Variants in ARPP21 observed in about 807,000 individuals in gnomAD.
ARPP21 encodes cAMP regulated phosphoprotein 21.
ARPP21 carries 69 observed loss-of-function variants against 113.2 expected under a neutral mutation model. The observed-to-expected ratio is 0.61, with a 90% confidence interval of 0.50 to 0.74. ARPP21 has a LOEUF of 0.74. ARPP21 is among the 30% of genes least tolerant of loss of function. The pLI is 0.00. For synonymous variants in ARPP21, 368 were observed against 375.5 expected, an observed-to-expected ratio of 0.98 and a Z score of 0.23; for missense variants, 1,070 against 1,037.4, an observed-to-expected ratio of 1.03 and a Z score of -0.43.
chr3:35,644,747 T>C (rs974529487), intron 1 of ARPP21, among the ~76,000 whole-genome samples: 2 of 151,982 alleles, frequency 1.3e-5, no homozygotes, highest in African/African-American at 4.8e-5. Flanking sequence ...CTTAGCATCA[T>C]ATTATGCTCC....
At chr3:35,669,655 A>C (rs189026066) in intron 1 of ARPP21, among the ~76,000 whole-genome samples, 14 of 152,288 alleles carry the variant, frequency 9.2e-5, no homozygotes, top group Admixed American at 5.9e-4. Context: ...AAGGTTACAC[A>C]TTACAGACAC....
At chr3:35,648,776 A>G (rs888394657) in intron 1 of ARPP21, among the ~76,000 whole-genome samples, 25 of 152,202 alleles carry the variant, frequency 1.6e-4, no homozygotes, top group African/African-American at 5.8e-4. Flanking sequence ...TAAATCCATC[A>G]GATAATTGCA....
chr3:35,699,027 G>A (rs1436123093), intron 9 of ARPP21, among the ~76,000 whole-genome samples: 1 of 151,574 alleles, frequency 6.6e-6, no homozygotes, highest in East Asian at 1.9e-4. Context: ...ATAGCCTATA[G>A]CACATGTTAA....
Position 35,738,246 on chromosome 3 carries a change from A to G in ARPP21, c.1677A>G (p.Ser559=). ...AGGGGCTGCAGGCTTCCTCCCAGTC[A>G]GTGCAATATCCAGCAGTCTCTTTTC... The part of the protein sequence containing the change: ...SVQGLQASSQ[S]VQYPAVSFPP... Residue 559 remains serine (S), a synonymous_variant, in exon 17 of 21, where the codon TCA becomes TCG. Coordinates refer to ENST00000684406, the MANE Select transcript of ARPP21 (RefSeq NM_001385562.1). 6.5e-7 allele frequency: 1 copy of G among 1,536,400 alleles called. No individual in the cohort carries two copies. Among genetic ancestry groups the G allele is most frequent in the Non-Finnish European group, 8.7e-7 (1 of 1,146,810 alleles).
At chr3:35,765,081 C>A (rs2095914380) in intron 19 of ARPP21, among the ~76,000 whole-genome samples, 1 of 152,052 alleles carries the variant, frequency 6.6e-6, no homozygotes, top group Non-Finnish European at 1.5e-5. Context: ...TATTTTAAAT[C>A]AAAATTATCC....
At chr3:35,750,459 T>G (rs1411281103) in intron 19 of ARPP21, among the ~76,000 whole-genome samples, 2 of 152,144 alleles carry the variant, frequency 1.3e-5, no homozygotes, top group Non-Finnish European at 2.9e-5. Context: ...TCTTATAAAA[T>G]TTTTGAGGTG....
chr3:35,758,038 C>T (rs1400534704), intron 19 of ARPP21, among the ~76,000 whole-genome samples: 25 of 151,944 alleles, frequency 1.6e-4, no homozygotes, highest in Non-Finnish European at 1.5e-5. Context: ...TTGTGGAAAA[C>T]AAATAGAAAA....
chr3:35,685,741 C>T (rs1391159961), intron 5 of ARPP21: 1 of 975,864 alleles, frequency 1.0e-6, no homozygotes, highest in East Asian at 1.1e-4. Context: ...TACTATTTAC[C>T]TGTCAGTGTA....
intron 15 of ARPP21, among the ~76,000 whole-genome samples, chr3:35,731,097 G>T (rs1200318013): frequency 6.6e-6 from 1 of 152,174 alleles, no homozygotes; most frequent in African/African-American, 2.4e-5. Flanking sequence ...TTGAGATAGA[G>T]GGCTTGCAGA....
At chr3:35,771,754 A>G (rs1357892227) in intron 19 of ARPP21, among the ~76,000 whole-genome samples, 1 of 152,240 alleles carries the variant, frequency 6.6e-6, no homozygotes, top group African/African-American at 2.4e-5. Context: ...GTGAACAGTG[A>G]GACAAAGATA....
intron 2 of ARPP21, chr3:35,680,978 A>T (rs994827185): frequency 1.3e-5 from 2 of 151,782 alleles, no homozygotes; most frequent in African/African-American, 4.8e-5. Context: ...GTGTCTATAG[A>T]CTATTGTGAG....
chr3:35,702,007 G>T (rs539350221), intron 9 of ARPP21, among the ~76,000 whole-genome samples: 36 of 151,694 alleles, frequency 2.4e-4, no homozygotes, highest in African/African-American at 8.0e-4. Context: ...CCACTACTAA[G>T]TTGTTGAATT....
intron 11 of ARPP21, among the ~76,000 whole-genome samples, chr3:35,712,899 T>A (rs1251456417): frequency 6.6e-6 from 1 of 152,222 alleles, no homozygotes; most frequent in Non-Finnish European, 1.5e-5. Context: ...GTTAAATTGA[T>A]AAAGCAATAT....
chr3:35,663,322 G>A (rs931488966), intron 1 of ARPP21, among the ~76,000 whole-genome samples: 1 of 152,038 alleles, frequency 6.6e-6, no homozygotes, highest in Non-Finnish European at 1.5e-5. Flanking sequence ...CATTCTCCTT[G>A]GAAATAACAA....
intron 10 of ARPP21, chr3:35,707,469 C>A (rs1258049587): frequency 2.1e-6 from 1 of 469,476 alleles, no homozygotes; most frequent in South Asian, 1.5e-5. Context: ...TTCAGTTGTG[C>A]ACAAATTGAG....
intron 19 of ARPP21, chr3:35,785,302 C>G (rs1577029336): frequency 6.6e-6 from 1 of 152,314 alleles, no homozygotes; most frequent in East Asian, 1.9e-4. Context: ...TTCATGCGGT[C>G]TTTCTCCCTC....
At chr3:35,736,234 A>C (rs1423793768) in intron 15 of ARPP21, among the ~76,000 whole-genome samples, 1 of 152,130 alleles carries the variant, frequency 6.6e-6, no homozygotes, top group Non-Finnish European at 1.5e-5. Flanking sequence ...TCATACATGT[A>C]AGGTGCCTGT....
chr3:35,717,807 G>A (rs1309589099), intron 13 of ARPP21, among the ~76,000 whole-genome samples: 2 of 152,022 alleles, frequency 1.3e-5, no homozygotes, highest in African/African-American at 2.4e-5. Flanking sequence ...TTTTATTTCT[G>A]AAGAAAGATA....
chr3:35,738,240 C>T lies in ARPP21; in HGVS notation c.1671C>T (p.Ser557=). ...CTGTCCAGGGGCTGCAGGCTTCCTC[C>T]CAGTCAGTGCAATATCCAGCAGTCT... is the stretch of plus-strand genomic sequence containing the variant. ...TQSVQGLQAS[S]QSVQYPAVSF... is the part of the protein sequence containing the mutation. Residue 557 remains serine (S), a synonymous_variant, in exon 17 of 21, where the codon TCC becomes TCT. Coordinates refer to ENST00000684406, the MANE Select transcript of ARPP21 (RefSeq NM_001385562.1). The T allele has an allele frequency of 6.5e-7, 1 of 1,536,294 alleles. No individual in the cohort carries two copies. The highest frequency in any genetic ancestry group is 1.2e-5 in the South Asian group (1 of 84,052).
Sources: allele counts gnomAD v4.1 joint callset (sites outside exome capture counted in the v4.1 genomes callset), GRCh38; gene constraint gnomAD v4.1.1; transcripts MANE v1.5; gene names NCBI Gene and HGNC (gene_info 2026-07-23, HGNC 2026-07-21).